The following FLRT2 variants were observed in gnomAD, a reference collection of about 807,000 sequenced individuals.
The protein encoded by FLRT2 is fibronectin leucine rich transmembrane protein 2.
Under a neutral mutation model 40.0 loss-of-function variants are expected in FLRT2, and 15 were observed. The observed-to-expected ratio is 0.38, with a 90% CI of 0.25 to 0.58. FLRT2 has a LOEUF of 0.58. FLRT2 is among the 20% of genes least tolerant of loss of function. FLRT2 has a pLI of 0.71. For synonymous variants in FLRT2, 380 were observed against 336.8 expected, an observed-to-expected ratio of 1.13 and a Z score of -1.41; for missense variants, 726 against 840.0, an observed-to-expected ratio of 0.86 and a Z score of 1.68.
At chr14:85,560,305 G>A (rs1052229553) in intron 1 of FLRT2, among the ~76,000 whole-genome samples, 3 of 152,132 alleles carry the variant, frequency 2.0e-5, no homozygotes, top group South Asian at 4.2e-4. Context: ...CAGGCCGGGC[G>A]CAGTGGCTCA....
chr14:85,547,753 G>A (rs983850917), intron 1 of FLRT2, among the ~76,000 whole-genome samples: 1 of 152,112 alleles, frequency 6.6e-6, no homozygotes, highest in African/African-American at 2.4e-5. Context: ...AGCCTCAGGA[G>A]GTCCTGAGGA....
chr14:85,561,075 C>T (rs909639282), intron 1 of FLRT2: 1 of 152,188 alleles, frequency 6.6e-6, no homozygotes, highest in African/African-American at 2.4e-5. Context: ...TTCCCCATTA[C>T]CTTTCTATTG....
chr14:85,572,145 G>A (rs1890919208), intron 1 of FLRT2, among the ~76,000 whole-genome samples: 1 of 152,160 alleles, frequency 6.6e-6, no homozygotes, highest in Admixed American at 6.5e-5. Context: ...TCAGCCCTGT[G>A]TTTTCTCATT....
rs1270751934 is a variant in FLRT2, at chr14:85,543,736, A to T, written c.-377+13202A>T. Among the ~76,000 whole-genome samples, 4 of 152,110 alleles carry T rather than the reference A, an allele frequency of 2.6e-5. No homozygotes were observed. The East Asian group carries it at 7.8e-4, about 30-fold the overall frequency. ...GCCCTCTTGATACTTTGCCTTTCCC[A>T]TGCTGTTTACCATTTACCTAGAACA... is the stretch of plus-strand genomic sequence containing the variant. On this transcript the variant is annotated intron_variant, in intron 1 of 1. Coordinates refer to ENST00000330753, the MANE Select transcript of FLRT2 (RefSeq NM_013231.6).
At chr14:85,535,892 G>GTTTTGTTTTT (rs1566713949) in intron 1 of FLRT2, among the ~76,000 whole-genome samples, 5 of 57,860 alleles carry the variant, frequency 8.6e-5, no homozygotes, top group Admixed American at 2.3e-4. Flanking sequence ...AAGGAATGCT[G>GTTTTGTTTTT]TTTTTTTTTT....
At chr14:85,583,959 T>C (rs1310215537) in intron 1 of FLRT2, among the ~76,000 whole-genome samples, 1 of 135,376 alleles carries the variant, frequency 7.4e-6, no homozygotes, top group East Asian at 2.2e-4. Flanking sequence ...ACACTGTTTC[T>C]TTAAAAAAAA....
In FLRT2 at chr14:85,637,052, G is replaced by A. The variant is rs1194305213; in HGVS notation, c.*13555G>A. Reference sequence around the variant, plus strand: ...TAAGTGGGCAAGTAAATACTGGTGTGACATACATTTTTAGGGAAAAACTAG... The same window carrying A: ...TAAGTGGGCAAGTAAATACTGGTGTAACATACATTTTTAGGGAAAAACTAG... On this transcript the variant is annotated 3_prime_UTR_variant, in exon 2 of 2. Coordinates refer to ENST00000330753, the MANE Select transcript of FLRT2 (RefSeq NM_013231.6). 6.6e-6 allele frequency: 1 copy of A among 151,580 alleles called. No homozygotes were observed. Among genetic ancestry groups the A allele is most frequent in the Admixed American group, 6.6e-5 (1 of 15,198 alleles). The allele number at this position is 151,580 out of a possible 1,614,324, so 9.4% of individuals were successfully genotyped here.
At chr14:85,581,059 C>T (rs546733390) in intron 1 of FLRT2, among the ~76,000 whole-genome samples, 8 of 152,074 alleles carry the variant, frequency 5.3e-5, no homozygotes, top group African/African-American at 9.7e-5. Context: ...AACAGGCATT[C>T]GCTTATTTCG....
intron 1 of FLRT2, among the ~76,000 whole-genome samples, chr14:85,574,437 C>A (rs1162715938): frequency 1.3e-5 from 2 of 152,072 alleles, no homozygotes; most frequent in East Asian, 3.9e-4. Context: ...AATCTCAATT[C>A]TTTCACAAAA....
At chr14:85,570,534 C>T (rs1430056549) in intron 1 of FLRT2, among the ~76,000 whole-genome samples, 1 of 150,342 alleles carries the variant, frequency 6.7e-6, no homozygotes, top group Non-Finnish European at 1.5e-5. Flanking sequence ...TTTGTATTTC[C>T]CTTTAAATTC....
In FLRT2 at chr14:85,593,998, T is replaced by C. The variant is rs1892022033; in HGVS notation, c.-376-27141T>C. Among the ~76,000 whole-genome samples the C allele has an allele frequency of 5.9e-5, 9 of 152,166 alleles. No individual in the cohort carries two copies. In the South Asian group the frequency reaches 1.9e-3, roughly 32 times the overall value. ...CAGAGGTTGCAGTGAGCCGAGATCA[T>C]GCCACTGCACTGCAGTCTAGGTGAC... On this transcript the variant is annotated intron_variant, in intron 1 of 1. Transcript: ENST00000330753.
At position 85,580,818 on chromosome 14, in the gene FLRT2, T is replaced by C. The variant is rs140793961; in HGVS notation, c.-376-40321T>C. Among the ~76,000 whole-genome samples, 49 of 152,316 alleles carry C rather than the reference T, an allele frequency of 3.2e-4. No individual in the cohort carries two copies. The East Asian group carries it at 7.9e-3, about 25-fold the overall frequency. On this transcript the variant is annotated intron_variant, in intron 1 of 1. Coordinates refer to ENST00000330753, the MANE Select transcript of FLRT2 (RefSeq NM_013231.6). ...TGATTTTCTTTTTCCTCTGGGGTTTTACTTATATATCAAGGAGTAAAAAAA... is the reference window on the plus strand; with the variant it reads ...TGATTTTCTTTTTCCTCTGGGGTTTCACTTATATATCAAGGAGTAAAAAAA...
rs1017604659 is a variant in FLRT2, at chr14:85,647,840, A to C, written c.*24343A>C. 1.3e-5 allele frequency: 2 copies of C among 152,268 alleles called. No individual in the cohort carries two copies. Among genetic ancestry groups the C allele is most frequent in the Non-Finnish European group, 2.9e-5 (2 of 68,030 alleles). The allele number at this position is 152,268 out of a possible 1,614,324, so 9.4% of individuals were successfully genotyped here. ...GGGTCACCCTGCTTGGCAGAGCCCT[A>C]ATTAGTCACAGTGCTAGGTGAGGTC... On this transcript the variant is annotated 3_prime_UTR_variant, in exon 2 of 2. Transcript: ENST00000330753.
rs536913840 is a variant in FLRT2 at position 85,554,587 on chromosome 14, A to G, written c.-377+24053A>G. Among the ~76,000 whole-genome samples the G allele has an allele frequency of 2.6e-5, 4 of 152,284 alleles. No homozygotes were observed. The South Asian group carries it at 8.3e-4, about 32-fold the overall frequency. ...ATTGCTTAGAAATTCAGCTCACCTG[A>G]TAGGGTTGAGAATATTTTCTTCTCA... is the stretch of plus-strand genomic sequence containing the variant. On this transcript the variant is annotated intron_variant, in intron 1 of 1. Transcript: ENST00000330753.
At chr14:85,564,328 T>G (rs1190003582) in intron 1 of FLRT2, among the ~76,000 whole-genome samples, 1 of 152,218 alleles carries the variant, frequency 6.6e-6, no homozygotes, top group East Asian at 1.9e-4. Context: ...AACCCATATG[T>G]TGAGTAAAAT....
At chr14:85,602,173 C>T (rs561695362) in intron 1 of FLRT2, among the ~76,000 whole-genome samples, 3 of 152,176 alleles carry the variant, frequency 2.0e-5, no homozygotes, top group African/African-American at 4.8e-5. Context: ...CTTATACATA[C>T]GTACACCCTG....
chr14:85,587,889 A>T (rs12717613), intron 1 of FLRT2, among the ~76,000 whole-genome samples: 99,307 of 151,826 alleles, frequency 0.65, 33,401 homozygotes, highest in Non-Finnish European at 0.74. Flanking sequence ...ATGGTGAATG[A>T]TGAGGAAATG....
Position 85,637,136 on chromosome 14 carries a change from A to G in FLRT2, c.*13639A>G, listed in dbSNP as rs533527688. On this transcript the variant is annotated 3_prime_UTR_variant, in exon 2 of 2. Transcript: ENST00000330753. ...TTTACACATACAAATCTTTTCTGGC[A>G]TGGGTACAAATGTAACTAATCAAGT... The G allele has an allele frequency of 4.9e-4, 75 of 152,274 alleles. No homozygotes were observed. Among genetic ancestry groups the G allele is most frequent in the African/African-American group, 1.5e-3 (64 of 41,560 alleles). 9.4% of individuals were successfully genotyped at this position (152,274 alleles called of 1,614,324 possible). A position where few individuals can be genotyped will look rare whatever the true frequency, so the allele number is the denominator to read the frequency against.
At chr14:85,619,984 CGTG>C (rs1423061788) in intron 1 of FLRT2, among the ~76,000 whole-genome samples, 1 of 152,164 alleles carries the variant, frequency 6.6e-6, no homozygotes, top group Non-Finnish European at 1.5e-5. Context: ...TACCCCTAGT[CGTG>C]AGCTTGGCAA....
Sources: allele counts gnomAD v4.1 joint callset (sites outside exome capture counted in the v4.1 genomes callset), GRCh38; gene constraint gnomAD v4.1.1; transcripts MANE v1.5; gene names NCBI Gene and HGNC (gene_info 2026-07-23, HGNC 2026-07-21).